Variants in ELMO1 observed in about 807,000 individuals in gnomAD.
ELMO1 encodes engulfment and cell motility 1, also known as engulfment and cell motility protein 1.
In ELMO1, 26 loss-of-function variants were observed where a neutral mutation model predicts 98.9. The observed-to-expected ratio is 0.26, with a 90% CI of 0.19 to 0.36. ELMO1 has a LOEUF of 0.36. ELMO1 is among the 10% of genes least tolerant of loss of function. The probability of loss-of-function intolerance (pLI) is 1.00; values close to 1 mark genes in which losing one functional copy is unlikely to be tolerated. For missense variants in ELMO1, 627 were observed against 935.2 expected (o/e 0.67, Z 4.30); for synonymous variants, 346 against 346.0 (o/e 1.00, Z 0.00).
intron 14 of ELMO1, among the ~76,000 whole-genome samples, chr7:37,126,314 T>TATATAC (rs1786518950): frequency 6.8e-6 from 1 of 146,312 alleles, no homozygotes; most frequent in South Asian, 2.1e-4. Context: ...TATATATATA[T>TATATAC]ATATATATAT....
chr7:36,899,341 A>G (rs1388203875), intron 16 of ELMO1, among the ~76,000 whole-genome samples: 1 of 152,096 alleles, frequency 6.6e-6, no homozygotes. Context: ...TGAGGCAAGG[A>G]GGGGATGTTA....
In ELMO1 at chr7:37,191,912, A is replaced by G. The variant is rs1791608518; in HGVS notation, c.1086+19474T>C. On this transcript the variant is annotated intron_variant, in intron 13 of 21. Coordinates refer to ENST00000310758, the MANE Select transcript of ELMO1 (RefSeq NM_014800.11). ...CGCCTGGGCGAAAGAGGAAGACTCC[A>G]TCACACACACACACACAAAATGTTA... Among the ~76,000 whole-genome samples the G allele has an allele frequency of 4.7e-5, 5 of 107,446 alleles. No homozygotes were observed. The South Asian group carries it at 1.7e-3, about 36-fold the overall frequency. The allele number at this position is 107,446 out of a possible 152,430, so 70.5% of individuals were successfully genotyped here.
At chr7:37,404,494 T>C (rs765088558) in intron 1 of ELMO1, among the ~76,000 whole-genome samples, 3 of 152,222 alleles carry the variant, frequency 2.0e-5, no homozygotes, top group Admixed American at 6.5e-5. Flanking sequence ...TGACAAACAA[T>C]GTATCCTTTA....
intron 16 of ELMO1, among the ~76,000 whole-genome samples, chr7:36,980,663 T>C (rs1790971675): frequency 6.6e-6 from 1 of 152,224 alleles, no homozygotes; most frequent in Admixed American, 6.5e-5. Flanking sequence ...ATTAGTAGAC[T>C]TCCAAATCCT....
intron 15 of ELMO1, among the ~76,000 whole-genome samples, chr7:37,030,152 TAAG>T (rs1182179831): frequency 6.6e-6 from 1 of 152,124 alleles, no homozygotes; most frequent in Admixed American, 6.6e-5. Flanking sequence ...CCATTTTAGA[TAAG>T]AAAACAACTT....
chr7:37,392,844 A>C (rs570719483), intron 1 of ELMO1, among the ~76,000 whole-genome samples: 1 of 152,316 alleles, frequency 6.6e-6, no homozygotes, highest in East Asian at 1.9e-4. Context: ...CTGGCTCCCC[A>C]GTCACTAAAA....
At chr7:37,325,870 T>C (rs771705796) in intron 2 of ELMO1, among the ~76,000 whole-genome samples, 58 of 152,216 alleles carry the variant, frequency 3.8e-4, no homozygotes, top group Non-Finnish European at 3.5e-4. Context: ...GGAACTTTAA[T>C]GTACAATAAG....
intron 15 of ELMO1, among the ~76,000 whole-genome samples, chr7:37,014,936 G>A (rs185852054): frequency 1.2e-4 from 18 of 152,092 alleles, no homozygotes; most frequent in Admixed American, 1.2e-3. Flanking sequence ...GGCCCCCAGT[G>A]AACAAACCCT....
At chr7:37,002,421 T>G (rs942785447) in intron 16 of ELMO1, among the ~76,000 whole-genome samples, 3 of 152,222 alleles carry the variant, frequency 2.0e-5, no homozygotes, top group Admixed American at 2.0e-4. Flanking sequence ...AGCCATTCAA[T>G]CTATCACATT....
rs534171466 is a variant in ELMO1, at chr7:37,428,622, A to G, written c.-74+20053T>C. On this transcript the variant is annotated intron_variant, in intron 1 of 21. Coordinates refer to ENST00000310758, the MANE Select transcript of ELMO1 (RefSeq NM_014800.11). ...GAAAATGTGTATTAGAAAGACCCCT[A>G]GGAAATATTTTCCACCACGTCTTCA... is the stretch of plus-strand genomic sequence containing the variant. Among the ~76,000 whole-genome samples the G allele has an allele frequency of 3.9e-5, 6 of 152,366 alleles. No individual in the cohort carries two copies. In the East Asian group the frequency reaches 1.2e-3, roughly 29 times the overall value.
intron 2 of ELMO1, among the ~76,000 whole-genome samples, chr7:37,335,237 C>CA (rs1162936912): frequency 6.6e-6 from 1 of 152,078 alleles, no homozygotes; most frequent in African/African-American, 2.4e-5. Flanking sequence ...GGTTTGAGTA[C>CA]AAAGGAGGCT....
chr7:37,347,807 A>C (rs1267066868), intron 1 of ELMO1, among the ~76,000 whole-genome samples: 1 of 152,204 alleles, frequency 6.6e-6, no homozygotes, highest in Admixed American at 6.5e-5. Flanking sequence ...TGATCAGGGC[A>C]ACCTATCCCA....
chr7:37,338,753 G>A (rs896170943), intron 2 of ELMO1, among the ~76,000 whole-genome samples: 2 of 152,118 alleles, frequency 1.3e-5, no homozygotes, highest in African/African-American at 2.4e-5. Flanking sequence ...ATCCTCAAGC[G>A]GCTCCCCGGG....
At chr7:37,438,648 G>C (rs1173035348) in intron 1 of ELMO1, among the ~76,000 whole-genome samples, 3 of 151,666 alleles carry the variant, frequency 2.0e-5, no homozygotes, top group Non-Finnish European at 4.4e-5. Flanking sequence ...AATAATAATA[G>C]CAAATCCAAC....
intron 1 of ELMO1, among the ~76,000 whole-genome samples, chr7:37,408,342 A>G (rs1270104036): frequency 6.6e-6 from 1 of 152,224 alleles, no homozygotes; most frequent in Admixed American, 6.5e-5. Context: ...ACACATTGGA[A>G]AAAAGATGAC....
chr7:37,161,550 C>T (rs937261510), intron 13 of ELMO1, among the ~76,000 whole-genome samples: 1 of 152,136 alleles, frequency 6.6e-6, no homozygotes, highest in Admixed American at 6.6e-5. Flanking sequence ...CGGATGGTCA[C>T]TTGTTCTATT....
chr7:36,982,417 TTTC>T (rs1562875600), intron 16 of ELMO1, among the ~76,000 whole-genome samples: 1 of 152,248 alleles, frequency 6.6e-6, no homozygotes, highest in Non-Finnish European at 1.5e-5. Flanking sequence ...AACTGGCCTG[TTTC>T]TTTTTACTTT....
intron 16 of ELMO1, among the ~76,000 whole-genome samples, chr7:36,921,019 A>G (rs2129074414): frequency 6.6e-6 from 1 of 152,304 alleles, no homozygotes; most frequent in South Asian, 2.1e-4. Flanking sequence ...GGGTTACTGA[A>G]GTTATAAAAG....
At chr7:37,091,506 T>C (rs1483472951) in intron 15 of ELMO1, among the ~76,000 whole-genome samples, 2 of 152,182 alleles carry the variant, frequency 1.3e-5, no homozygotes, top group Non-Finnish European at 1.5e-5. Flanking sequence ...ATCTTCTTAA[T>C]GACTTCACAT....
Sources: gnomAD v4.1 joint callset for allele counts (sites outside exome capture counted in the v4.1 genomes callset) on GRCh38, gnomAD v4.1.1 for gene constraint, MANE v1.5 for transcripts, NCBI Gene and HGNC (gene_info 2026-07-23, HGNC 2026-07-21) for gene names.